Variants in CSMD3 observed in about 807,000 individuals in gnomAD.
CSMD3 encodes the protein CUB and Sushi multiple domains 3.
CSMD3 carries 177 observed loss-of-function variants against 435.2 expected under a neutral mutation model. The observed-to-expected ratio is 0.41, with a 90% CI of 0.36 to 0.46. The LOEUF is 0.46. Ranked by LOEUF, CSMD3 falls within the 20% of genes least tolerant of loss-of-function variation. The pLI, the probability that CSMD3 is intolerant of heterozygous loss-of-function variation, is 0.34. For synonymous variants in CSMD3, 1,656 were observed against 1,520.5 expected, an observed-to-expected ratio of 1.09 and a Z score of -2.07; for missense variants, 4,265 against 4,504.6, an observed-to-expected ratio of 0.95 and a Z score of 1.52.
At chr8:112,827,412 A>G (rs527617883) in intron 12 of CSMD3, among the ~76,000 whole-genome samples, 1 of 151,856 alleles carries the variant, frequency 6.6e-6, no homozygotes, top group African/African-American at 2.4e-5. Flanking sequence ...AGTATTTTTT[A>G]GTCAATTGAC....
chr8:112,556,868 T>G lies in CSMD3; in HGVS notation c.4129A>C (p.Ile1377Leu). The change falls in exon 25 of 71, where the codon ATC becomes CTC. Residue 1377 changes from isoleucine to leucine, a missense_variant. Physicochemically the swap from Ile to Leu is conservative, Grantham distance 5. Transcript: ENST00000297405. ...TAGCCTGGATTGCATCCATAAATGATGGTGCTACCAGCAAAGTGGCCTTGG... is the reference window on the plus strand; with the variant it reads ...TAGCCTGGATTGCATCCATAAATGAGGGTGCTACCAGCAAAGTGGCCTTGG... ...SDQGHFAGST[I>L]IYGCNPGYTL... 6.2e-7 allele frequency: 1 copy of G among 1,611,764 alleles called. No individual in the cohort carries two copies. The highest frequency in any genetic ancestry group is 8.5e-7 in the Non-Finnish European group (1 of 1,178,342).
intron 5 of CSMD3, among the ~76,000 whole-genome samples, chr8:113,029,972 A>G (rs2087024029): frequency 6.6e-6 from 1 of 151,638 alleles, no homozygotes. Context: ...GCTCTTCTAC[A>G]TGCTAACAGC....
chr8:112,244,530 G>C lies in CSMD3; in HGVS notation c.10266C>G (p.Val3422=), dbSNP rs1364794256. 3.1e-6 allele frequency: 5 copies of C among 1,613,764 alleles called. No individual in the cohort carries two copies. The highest frequency in any genetic ancestry group is 4.2e-6 in the Non-Finnish European group (5 of 1,179,784). The change falls in exon 65 of 71, where the codon GTC becomes GTG. Residue 3422 remains valine (V), a synonymous_variant. Transcript: ENST00000297405. ...CATGAGATGGAAGGTCCATCCCTAC[G>C]ACATTTGCATGAGCAGGAGTTTCTG... ...KQPETPAHAN[V]VGMDLPSHGY... is the part of the protein sequence containing the mutation.
chr8:112,384,887 G>A (rs765155255), intron 36 of CSMD3, among the ~76,000 whole-genome samples: 2 of 152,152 alleles, frequency 1.3e-5, no homozygotes, highest in Non-Finnish European at 2.9e-5. Context: ...TCAATTCAGA[G>A]GAAGAAAATA....
intron 13 of CSMD3, among the ~76,000 whole-genome samples, chr8:112,694,944 T>G (rs1230229301): frequency 1.3e-5 from 2 of 152,138 alleles, no homozygotes; most frequent in Non-Finnish European, 2.9e-5. Flanking sequence ...TCACTGAGGC[T>G]TGTCGGACAG....
chr8:112,756,916 A>G (rs919514350), intron 13 of CSMD3, among the ~76,000 whole-genome samples: 3 of 151,800 alleles, frequency 2.0e-5, no homozygotes, highest in African/African-American at 7.3e-5. Flanking sequence ...CTACAGGCAC[A>G]CGTCACCATG....
At chr8:112,752,937 G>A (rs1464986495) in intron 13 of CSMD3, among the ~76,000 whole-genome samples, 1 of 134,262 alleles carries the variant, frequency 7.4e-6, no homozygotes. Context: ...GTGTGTGTGT[G>A]TGTACAGAGA....
chr8:112,829,603 G>A lies in CSMD3; in HGVS notation c.1859+83C>T, dbSNP rs976280982. 4.7e-5 allele frequency: 37 copies of A among 781,616 alleles called. No individual in the cohort carries two copies. In the African/African-American group the frequency reaches 5.7e-4, roughly 12 times the overall value. 48.4% of individuals were successfully genotyped at this position (781,616 alleles called of 1,614,324 possible). A position where few individuals can be genotyped will look rare whatever the true frequency, so the allele number is the denominator to read the frequency against. ...ATCTTCTGCTGGTAGTAGTGGGAGC[G>A]ATCAATGTAAAACAATAATTTGAAA... On this transcript the variant is annotated intron_variant, in intron 12 of 70. Coordinates refer to ENST00000297405, the MANE Select transcript of CSMD3 (RefSeq NM_198123.2).
chr8:112,568,903 A>G (rs1829279772), intron 24 of CSMD3, among the ~76,000 whole-genome samples: 1 of 152,100 alleles, frequency 6.6e-6, no homozygotes, highest in South Asian at 2.1e-4. Context: ...TCTTCTCAAT[A>G]TCTCCCTTCT....
chr8:112,808,058 G>T, intron 12 of CSMD3, among the ~76,000 whole-genome samples: 1 of 152,068 alleles, frequency 6.6e-6, no homozygotes, highest in East Asian at 1.9e-4. Context: ...ATATTAAAGA[G>T]ATGAGCTGTT....
rs756378295 is a variant in CSMD3 at position 113,314,746 on chromosome 8, T to C, written c.226A>G (p.Ile76Val). The change falls in exon 2 of 71, where the codon ATA becomes GTA. Residue 76 changes from isoleucine to valine, a missense_variant. Physicochemically the swap from Ile to Val is conservative, Grantham distance 29. Coordinates refer to ENST00000297405, the MANE Select transcript of CSMD3 (RefSeq NM_198123.2). ...GGTLKGLNGT[I>V]ESPGFPYGYP... ...CCATATGGAAAACCAGGGCTTTCTA[T>C]AGTGCCATTAAGTCCTTTTAAAGTT... 2.7e-5 allele frequency: 43 copies of C among 1,613,102 alleles called. No homozygotes were observed. The highest frequency in any genetic ancestry group is 3.4e-5 in the Non-Finnish European group (40 of 1,179,356).
chr8:113,429,622 A>G (rs1433553020), intron 1 of CSMD3, among the ~76,000 whole-genome samples: 1 of 152,072 alleles, frequency 6.6e-6, no homozygotes, highest in African/African-American at 2.4e-5. Flanking sequence ...TCATTTTTAA[A>G]ATTTTACCAC....
intron 13 of CSMD3, among the ~76,000 whole-genome samples, chr8:112,737,477 G>A (rs2077211521): frequency 6.6e-6 from 1 of 151,900 alleles, no homozygotes; most frequent in South Asian, 2.1e-4. Context: ...TTTCCTGGAA[G>A]GTGAAGGATA....
chr8:112,298,829 G>A (rs994562005), intron 53 of CSMD3, among the ~76,000 whole-genome samples: 1 of 152,096 alleles, frequency 6.6e-6, no homozygotes, highest in Non-Finnish European at 1.5e-5. Flanking sequence ...GAGAGAATGG[G>A]AGACAACTAG....
intron 3 of CSMD3, among the ~76,000 whole-genome samples, chr8:113,208,864 T>G (rs1301244054): frequency 6.6e-6 from 1 of 152,106 alleles, no homozygotes; most frequent in Non-Finnish European, 1.5e-5. Flanking sequence ...TTAAGTTGAT[T>G]TCCCTCTCTT....
intron 22 of CSMD3, among the ~76,000 whole-genome samples, chr8:112,594,175 C>T (rs1831458056): frequency 6.6e-6 from 1 of 152,114 alleles, no homozygotes; most frequent in Admixed American, 6.5e-5. Context: ...CGTGTGCGAG[C>T]CGAAGCAGGG....
At chr8:113,352,983 G>T (rs1279333932) in intron 1 of CSMD3, among the ~76,000 whole-genome samples, 1 of 152,076 alleles carries the variant, frequency 6.6e-6, no homozygotes, top group African/African-American at 2.4e-5. Context: ...TTACTGCCAT[G>T]GGGAACACAA....
intron 2 of CSMD3, chr8:113,311,845 C>CTAAA (rs2093871816): frequency 6.6e-6 from 1 of 151,986 alleles, no homozygotes. Context: ...ACATTAGACT[C>CTAAA]TAAAGACTAT....
rs142517124 is a variant in CSMD3, at chr8:113,079,626, A to G, written c.917+19130T>C. ...AACCTCAGTCTTCTTGTAGAAACTT[A>G]GATCAGGACAAATCATGTAGACATG... On this transcript the variant is annotated intron_variant, in intron 5 of 70. Coordinates refer to ENST00000297405, the MANE Select transcript of CSMD3 (RefSeq NM_198123.2). Among the ~76,000 whole-genome samples, 1,038 of 152,314 alleles carry G rather than the reference A, an allele frequency of 6.8e-3. 13 individuals are homozygous for G. Among genetic ancestry groups the G allele is most frequent in the African/African-American group, 0.024 (997 of 41,580 alleles).
Sources: allele counts gnomAD v4.1 joint callset (sites outside exome capture counted in the v4.1 genomes callset), GRCh38; gene constraint gnomAD v4.1.1; transcripts MANE v1.5; gene names NCBI Gene and HGNC (gene_info 2026-07-23, HGNC 2026-07-21).